The following HABP2 variants were observed in gnomAD, a reference collection of about 807,000 sequenced individuals.
The protein encoded by HABP2 is factor VII-activating protease.
A neutral mutation model predicts 66.5 loss-of-function variants in HABP2; 65 were observed. The observed-to-expected ratio is 0.98, with a 90% CI of 0.80 to 1.20. The LOEUF (loss-of-function observed/expected upper bound fraction) is 1.20, where lower values mean the gene tolerates loss of function less well. HABP2 is among the 50% of genes most tolerant of loss of function. HABP2 has a pLI of 0.00. For synonymous variants in HABP2, 263 were observed against 253.9 expected (o/e 1.04, Z -0.34); for missense variants, 786 against 691.0 (o/e 1.14, Z -1.54).
At chr10:113,566,836 A>G (rs1845206080) in intron 1 of HABP2, among the ~76,000 whole-genome samples, 1 of 152,158 alleles carries the variant, frequency 6.6e-6, no homozygotes, top group African/African-American at 2.4e-5. Flanking sequence ...ATCTTGCGCC[A>G]TTTTGAAGCC....
rs1434526271 is a variant in HABP2 at position 113,578,009 on chromosome 10, C to T, written c.449-17C>T. ...TCCTTCTGAAGAGCCTTCCTGGCCC[C>T]ATTCCTGTGTTCACAGTGGTTCCTG... On this transcript the variant is annotated splice_polypyrimidine_tract_variant and intron_variant, in intron 5 of 12. Coordinates refer to ENST00000351270, the MANE Select transcript of HABP2 (RefSeq NM_004132.5). The T allele has an allele frequency of 1.2e-6, 2 of 1,613,342 alleles. No homozygotes were observed. Among genetic ancestry groups the T allele is most frequent in the East Asian group, 2.2e-5 (1 of 44,882 alleles).
Position 113,580,617 on chromosome 10 carries a change from C to T in HABP2, c.763C>T (p.Pro255Ser), listed in dbSNP as rs760610097. 3.1e-6 allele frequency: 5 copies of T among 1,591,714 alleles called. No individual in the cohort carries two copies. Among genetic ancestry groups the T allele is most frequent in the Non-Finnish European group, 4.3e-6 (5 of 1,159,718 alleles). Residue 255 changes from proline to serine, a missense_variant, in exon 8 of 13, where the codon CCC becomes TCC. Coordinates refer to ENST00000351270, the MANE Select transcript of HABP2 (RefSeq NM_004132.5). ...TAGAAACCCAGATGCGGACGAAAAG[C>T]CCTGGTGCTTTATTAAAGTTACCAA... ...FCRNPDADEK[P>S]WCFIKVTNDK...
Position 113,585,781 on chromosome 10 carries a change from C to T in HABP2, c.1373-12C>T, listed in dbSNP as rs556490542. The T allele has an allele frequency of 5.0e-6, 8 of 1,611,298 alleles. No homozygotes were observed. The highest frequency in any genetic ancestry group is 2.2e-5 in the East Asian group (1 of 44,888). On this transcript the variant is annotated splice_polypyrimidine_tract_variant and intron_variant, in intron 11 of 12. Coordinates refer to ENST00000351270, the MANE Select transcript of HABP2 (RefSeq NM_004132.5). ...CACAGTAGTGACTCTTTTCTCTGCA[C>T]CTTCCCCACAGGAAAAGGGTCCCGC...
intron 7 of HABP2, among the ~76,000 whole-genome samples, chr10:113,579,793 GT>G (rs954383765): frequency 5.4e-5 from 8 of 147,290 alleles, no homozygotes; most frequent in Non-Finnish European, 1.2e-4. Flanking sequence ...TTTTGTTTTT[GT>G]TTTTTTGAGA....
rs1845814075 is a variant in HABP2, at chr10:113,589,531, C to CTTGT, written c.*1166_*1169dup. On this transcript the variant is annotated 3_prime_UTR_variant, in exon 13 of 13. Transcript: ENST00000351270. ...ATCTCAGACCCATGAAATTAGGCGC[C>CTTGT]TTGTTTGAGCTGCGTTTCACACTTC... 9.4e-7 allele frequency: 1 copy of CTTGT among 1,068,622 alleles called. No individual in the cohort carries two copies. Among genetic ancestry groups the CTTGT allele is most frequent in the Non-Finnish European group, 1.3e-6 (1 of 743,530 alleles). The allele number at this position is 1,068,622 out of a possible 1,614,324, so 66.2% of individuals were successfully genotyped here.
chr10:113,551,159 A>G (rs1381330822), upstream of HABP2, among the ~76,000 whole-genome samples: 2 of 152,272 alleles, frequency 1.3e-5, no homozygotes, highest in Non-Finnish European at 2.9e-5. Context: ...TTCATCCAAC[A>G]TAAACTTATT....
At chr10:113,556,675 A>G (rs1248228256) in intron 1 of HABP2, among the ~76,000 whole-genome samples, 1 of 151,806 alleles carries the variant, frequency 6.6e-6, no homozygotes, top group East Asian at 1.9e-4. Flanking sequence ...AGAAGGTGCC[A>G]TTGCATCCTG....
upstream of HABP2, chr10:113,553,046 C>A: frequency 2.9e-6 from 3 of 1,026,222 alleles, no homozygotes; most frequent in Non-Finnish European, 4.6e-6. Flanking sequence ...TGGAGACTGA[C>A]ATTTTTCCCC....
At chr10:113,552,284 G>T (rs1844911982), upstream of HABP2, among the ~76,000 whole-genome samples, 1 of 152,164 alleles carries the variant, frequency 6.6e-6, no homozygotes, top group Non-Finnish European at 1.5e-5. Context: ...GCAGTCAGTT[G>T]TTTACAGGAG....
chr10:113,568,364 C>T (rs1198653226), intron 2 of HABP2, among the ~76,000 whole-genome samples: 2 of 152,224 alleles, frequency 1.3e-5, no homozygotes, highest in African/African-American at 4.8e-5. Flanking sequence ...ACATCTGAAC[C>T]TTGAATCAAG....
At chr10:113,563,037 T>C in intron 1 of HABP2, among the ~76,000 whole-genome samples, 1 of 152,170 alleles carries the variant, frequency 6.6e-6, no homozygotes, top group Admixed American at 6.5e-5. Context: ...TTGGATATAA[T>C]CATAATACCT....
At chr10:113,577,043 G>A (rs1402279448) in intron 4 of HABP2, 107 bp from the exon 5 acceptor site, 4 of 738,946 alleles carry the variant, frequency 5.4e-6, no homozygotes, top group Non-Finnish European at 9.9e-6. Flanking sequence ...CCACGGACAA[G>A]GCTACAGACA....
intron 2 of HABP2, among the ~76,000 whole-genome samples, chr10:113,568,871 A>G (rs993638379): frequency 1.3e-5 from 2 of 152,238 alleles, no homozygotes; most frequent in Non-Finnish European, 1.5e-5. Flanking sequence ...CTTTACTGCC[A>G]GCTGCCAGAA....
At chr10:113,581,809 G>T in intron 8 of HABP2, 67 bp from the exon 9 acceptor site, 5 of 1,538,804 alleles carry the variant, frequency 3.2e-6, no homozygotes, top group Non-Finnish European at 3.6e-6. Context: ...TCATACCTCT[G>T]CCTGAGCCCT....
intron 1 of HABP2, among the ~76,000 whole-genome samples, chr10:113,558,958 G>GA (rs1565096121): frequency 6.6e-6 from 1 of 152,034 alleles, no homozygotes; most frequent in East Asian, 1.9e-4. Flanking sequence ...AGGTTAAAGC[G>GA]ATTCTCCTGA....
intron 4 of HABP2, among the ~76,000 whole-genome samples, chr10:113,576,870 T>A (rs1475625690): frequency 6.6e-6 from 1 of 152,196 alleles, no homozygotes; most frequent in East Asian, 1.9e-4. Context: ...ATGGAGAGAC[T>A]AAAATTGCAG....
chr10:113,570,265 T>C (rs372682728), intron 2 of HABP2: 32 of 152,256 alleles, frequency 2.1e-4, no homozygotes, highest in African/African-American at 7.7e-4. Context: ...AGTAAGATTG[T>C]GGGCAACCAC....
chr10:113,556,804 C>CT (rs66685949), intron 1 of HABP2, among the ~76,000 whole-genome samples: 3,983 of 105,082 alleles, frequency 0.038, 108 homozygotes, highest in East Asian at 0.089. Context: ...TTCTTTTATT[C>CT]TTTTTTTTTT....
intron 1 of HABP2, among the ~76,000 whole-genome samples, chr10:113,559,577 G>T (rs1845063455): frequency 6.6e-6 from 1 of 152,246 alleles, no homozygotes; most frequent in Admixed American, 6.5e-5. Context: ...ACTGGAGGAA[G>T]ATGTGTGTTG....
Sources: allele counts gnomAD v4.1 joint callset (sites outside exome capture counted in the v4.1 genomes callset), GRCh38; gene constraint gnomAD v4.1.1; transcripts MANE v1.5; gene names NCBI Gene and HGNC (gene_info 2026-07-23, HGNC 2026-07-21).